GABRB1: variants seen among roughly 807,000 people sequenced by gnomAD.
The protein encoded by GABRB1 is gamma-aminobutyric acid receptor subunit beta-1.
In GABRB1, 17 loss-of-function variants were observed where a neutral mutation model predicts 51.6. The observed-to-expected ratio is 0.33, with a 90% confidence interval of 0.23 to 0.49. GABRB1 has a LOEUF of 0.49. Ranked by LOEUF, GABRB1 falls within the 20% of genes least tolerant of loss-of-function variation. The pLI, the probability that GABRB1 is intolerant of heterozygous loss-of-function variation, is 0.99. For synonymous variants in GABRB1, 247 were observed against 218.9 expected, an observed-to-expected ratio of 1.13 and a Z score of -1.14; for missense variants, 410 against 600.6, an observed-to-expected ratio of 0.68 and a Z score of 3.32.
Position 47,140,093 on chromosome 4 carries a change from AACACACACACACACACACACACAC to A in GABRB1, c.241-21130_241-21107del, listed in dbSNP as rs67749563. 1.5e-3 allele frequency among the ~76,000 whole-genome samples: 200 copies of A among 135,414 alleles called. 1 individual carries two copies. The highest frequency in any genetic ancestry group is 3.0e-3 in the African/African-American group (108 of 36,058). 88.8% of individuals were successfully genotyped at this position (135,414 alleles called of 152,430 possible). On this transcript the variant is annotated intron_variant, in intron 3 of 8. Transcript: ENST00000295454. The stretch of plus-strand genomic sequence containing the variant: ...ATATTCCTGGTAACTAAATTAAATT[AACACACACACACACACACACACAC>A]ACACACACACACACACACACACACA...
At chr4:47,365,603 T>A (rs1268441994) in intron 5 of GABRB1, among the ~76,000 whole-genome samples, 1 of 152,132 alleles carries the variant, frequency 6.6e-6, no homozygotes, top group African/African-American at 2.4e-5. Flanking sequence ...GGGTGACCTA[T>A]CTGGATTGCA....
chr4:47,104,249 AAAAAGTATAATATAGTCCTCATCTCTAT>A (rs1401859774), intron 3 of GABRB1, among the ~76,000 whole-genome samples: 1 of 151,836 alleles, frequency 6.6e-6, no homozygotes, highest in African/African-American at 2.4e-5. Context: ...GGTTTCTAAT[AAAAAGTATAATATAGTCCTCATCTCTAT>A]TCTTCTGAAT....
chr4:47,346,818 T>G (rs1355692713), intron 5 of GABRB1, among the ~76,000 whole-genome samples: 1 of 152,250 alleles, frequency 6.6e-6, no homozygotes, highest in East Asian at 1.9e-4. Context: ...TCCATTATTT[T>G]ACAAAAAGGC....
At chr4:47,172,928 C>A (rs953556869) in intron 4 of GABRB1, among the ~76,000 whole-genome samples, 3 of 151,988 alleles carry the variant, frequency 2.0e-5, no homozygotes, top group African/African-American at 7.2e-5. Flanking sequence ...TTTTCTAAAT[C>A]TTTTTTCTTC....
chr4:47,049,380 G>A (rs1726244599), intron 3 of GABRB1, among the ~76,000 whole-genome samples: 1 of 152,168 alleles, frequency 6.6e-6, no homozygotes, highest in Non-Finnish European at 1.5e-5. Flanking sequence ...TGTTTCTTGA[G>A]GGGAGAATAC....
At chr4:47,234,569 T>A (rs1416249771) in intron 4 of GABRB1, among the ~76,000 whole-genome samples, 2 of 152,172 alleles carry the variant, frequency 1.3e-5, no homozygotes, top group African/African-American at 2.4e-5. Context: ...GCTTCATTTT[T>A]AAAAAATACC....
At chr4:47,393,487 C>A (rs114364396) in intron 5 of GABRB1, among the ~76,000 whole-genome samples, 4,036 of 152,254 alleles carry the variant, frequency 0.027, 196 homozygotes, top group African/African-American at 0.093. Context: ...ACACTCAATC[C>A]TGGCTACCTA....
At chr4:47,375,338 C>A (rs1475805458) in intron 5 of GABRB1, among the ~76,000 whole-genome samples, 1 of 152,034 alleles carries the variant, frequency 6.6e-6, no homozygotes, top group Non-Finnish European at 1.5e-5. Context: ...TGGAAGCAAT[C>A]CAGGAAAACA....
intron 7 of GABRB1, among the ~76,000 whole-genome samples, chr4:47,404,529 A>G (rs1008655854): frequency 1.9e-4 from 25 of 133,090 alleles, no homozygotes; most frequent in Admixed American, 1.0e-3. Flanking sequence ...ACACACACAC[A>G]TCATTTCTGG....
chr4:47,290,006 A>G (rs187918688), intron 4 of GABRB1, among the ~76,000 whole-genome samples: 1 of 152,348 alleles, frequency 6.6e-6, no homozygotes, highest in Non-Finnish European at 1.5e-5. Context: ...CTGACTCTTC[A>G]CAATTCACAA....
chr4:47,208,869 C>A, intron 4 of GABRB1, among the ~76,000 whole-genome samples: 1 of 152,066 alleles, frequency 6.6e-6, no homozygotes, highest in African/African-American at 2.4e-5. Context: ...AGACCAACTA[C>A]ATTGCTCAGC....
At chr4:47,033,014 C>G (rs1725404282) in intron 3 of GABRB1, 1 of 319,888 alleles carries the variant, frequency 3.1e-6, no homozygotes, top group African/African-American at 2.2e-5. Flanking sequence ...GCAGGAGCAA[C>G]AGGCTAAGAC....
intron 3 of GABRB1, among the ~76,000 whole-genome samples, chr4:47,136,521 A>AG (rs1716663591): frequency 8.1e-6 from 1 of 123,878 alleles, no homozygotes; most frequent in African/African-American, 3.4e-5. Flanking sequence ...CCAAATTAAA[A>AG]AAAAATATAT....
chr4:47,329,175 T>TA lies in GABRB1; in HGVS notation c.544+8968dup, dbSNP rs572795502. ...TCCAGTTTTTAATGCCATTTTAAGG[T>TA]AATTTCATTCAGAAAGAGGAGACCA... is the stretch of plus-strand genomic sequence containing the variant. On this transcript the variant is annotated intron_variant, in intron 5 of 8. Transcript: ENST00000295454. Among the ~76,000 whole-genome samples, 131 of 152,136 alleles carry TA rather than the reference T, an allele frequency of 8.6e-4. No individual in the cohort carries two copies. The South Asian group carries it at 0.025, about 29-fold the overall frequency.
chr4:47,352,481 C>T (rs1462993789), intron 5 of GABRB1, among the ~76,000 whole-genome samples: 1 of 152,070 alleles, frequency 6.6e-6, no homozygotes, highest in African/African-American at 2.4e-5. Context: ...AATTTTAGAC[C>T]AATATCCTTG....
intron 5 of GABRB1, among the ~76,000 whole-genome samples, chr4:47,335,274 TAA>T (rs1355099805): frequency 1.3e-5 from 2 of 152,094 alleles, no homozygotes; most frequent in South Asian, 2.1e-4. Context: ...TATATATATA[TAA>T]GTGTTTTCTA....
chr4:47,328,350 C>A (rs1454222074), intron 5 of GABRB1, among the ~76,000 whole-genome samples: 1 of 152,086 alleles, frequency 6.6e-6, no homozygotes, highest in Non-Finnish European at 1.5e-5. Flanking sequence ...TCTTTTGTTG[C>A]CATTGCTTTT....
At chr4:47,231,699 C>A (rs1456355723) in intron 4 of GABRB1, among the ~76,000 whole-genome samples, 1 of 152,196 alleles carries the variant, frequency 6.6e-6, no homozygotes, top group African/African-American at 2.4e-5. Context: ...TCTTTGAGTA[C>A]ATGAACTGTG....
At chr4:47,125,555 A>ATTTTTTTTTT (rs570181191) in intron 3 of GABRB1, among the ~76,000 whole-genome samples, 1 of 21,010 alleles carries the variant, frequency 4.8e-5, no homozygotes, top group Non-Finnish European at 1.0e-4. Context: ...ACAAAGTATA[A>ATTTTTTTTTT]TTTCTTTTTT....
Sources: gnomAD v4.1 joint callset for allele counts (sites outside exome capture counted in the v4.1 genomes callset) on GRCh38, gnomAD v4.1.1 for gene constraint, MANE v1.5 for transcripts, NCBI Gene and HGNC (gene_info 2026-07-23, HGNC 2026-07-21) for gene names.